The following CUX1 variants were observed in gnomAD, a reference collection of about 807,000 sequenced individuals.
CUX1 encodes protein CASP.
A neutral mutation model predicts 158.8 loss-of-function variants in CUX1; 31 were observed. That is an observed-to-expected ratio of 0.20 (90% CI 0.15 to 0.26). The LOEUF is 0.26. Among genes scored for constraint, CUX1 ranks in the 10% least tolerant of loss-of-function variants. The pLI is 1.00. For synonymous variants in CUX1, 879 were observed against 862.1 expected (o/e 1.02, Z -0.34); for missense variants, 1,589 against 2,014.6 (o/e 0.79, Z 4.04).
chr7:101,945,643 G>A (rs750523737), intron 2 of CUX1, among the ~76,000 whole-genome samples: 11 of 152,206 alleles, frequency 7.2e-5, no homozygotes, highest in African/African-American at 1.2e-4. Context: ...GGTCAGGGCT[G>A]TGGGGACTGT....
rs1789844053 is a variant in CUX1, at chr7:102,255,893, T to C, written c.*6851T>C. 1.0e-6 allele frequency: 1 copy of C among 985,302 alleles called. No homozygotes were observed. Among genetic ancestry groups the C allele is most frequent in the Non-Finnish European group, 1.2e-6 (1 of 829,902 alleles). The allele number at this position is 985,302 out of a possible 1,614,324, so 61.0% of individuals were successfully genotyped here. On this transcript the variant is annotated 3_prime_UTR_variant, in exon 24 of 24. Coordinates refer to ENST00000292535, the MANE Select transcript of CUX1 (RefSeq NM_181552.4). The stretch of plus-strand genomic sequence containing the variant: ...AAGCACTTAAATAGATGACTATGTG[T>C]AAAAGCTCTGTGCAATTGAAATCAT...
chr7:101,885,154 G>A (rs957227847), intron 1 of CUX1, among the ~76,000 whole-genome samples: 4 of 152,212 alleles, frequency 2.6e-5, no homozygotes, highest in African/African-American at 4.8e-5. Flanking sequence ...GAGTCTGGGA[G>A]GAATCTTCCA....
At chr7:102,123,976 T>C (rs181697623) in intron 8 of CUX1, among the ~76,000 whole-genome samples, 57 of 152,268 alleles carry the variant, frequency 3.7e-4, no homozygotes, top group Non-Finnish European at 2.8e-4. Flanking sequence ...AAAGCAATCA[T>C]ATTCATCCAG....
chr7:102,008,728 G>A (rs889715782), intron 2 of CUX1, among the ~76,000 whole-genome samples: 1 of 152,084 alleles, frequency 6.6e-6, no homozygotes, highest in African/African-American at 2.4e-5. Flanking sequence ...AGGACATGGG[G>A]TAGGGCCTGA....
intron 2 of CUX1, among the ~76,000 whole-genome samples, chr7:101,969,359 CAAAAAA>C (rs10711703): frequency 7.1e-5 from 4 of 56,112 alleles, no homozygotes; most frequent in African/African-American, 1.5e-4. Context: ...CAAAAAACAG[CAAAAAA>C]AAAAAAAAAA....
At chr7:102,205,217 T>A in intron 20 of CUX1, 47 bp downstream of exon 20, 1 of 1,362,366 alleles carries the variant, frequency 7.3e-7, no homozygotes, top group Non-Finnish European at 1.1e-6. Context: ...TCTCACTGCC[T>A]TTTCTGTTGT....
chr7:102,056,173 T>G (rs1460000915), intron 3 of CUX1, among the ~76,000 whole-genome samples: 2 of 152,166 alleles, frequency 1.3e-5, no homozygotes, highest in African/African-American at 4.8e-5. Flanking sequence ...AGCAAATGCT[T>G]TGGTGGAAGC....
At chr7:102,103,292 A>G (rs1829978639) in intron 5 of CUX1, among the ~76,000 whole-genome samples, 1 of 152,118 alleles carries the variant, frequency 6.6e-6, no homozygotes, top group Admixed American at 6.5e-5. Flanking sequence ...CACTCCCTCC[A>G]TGCTTTATCC....
At chr7:102,122,168 C>T (rs1312138284) in intron 8 of CUX1, among the ~76,000 whole-genome samples, 1 of 152,150 alleles carries the variant, frequency 6.6e-6, no homozygotes, top group East Asian at 1.9e-4. Flanking sequence ...AGTCTGTCTG[C>T]TGTACCTTTA....
chr7:102,251,426 T>C lies in CUX1; in HGVS notation c.*2384T>C, dbSNP rs938568941. On this transcript the variant is annotated 3_prime_UTR_variant, in exon 24 of 24. Coordinates refer to ENST00000292535, the MANE Select transcript of CUX1 (RefSeq NM_181552.4). Reference sequence around the variant, plus strand: ...TGCAGCTGCAGCACTTAGTTCACGTTTTCACAAATTTCAAGAGTCACTACA... The same window carrying C: ...TGCAGCTGCAGCACTTAGTTCACGTCTTCACAAATTTCAAGAGTCACTACA... 1.0e-6 allele frequency: 1 copy of C among 985,310 alleles called. No individual in the cohort carries two copies. The highest frequency in any genetic ancestry group is 1.2e-6 in the Non-Finnish European group (1 of 829,940). The allele number at this position is 985,310 out of a possible 1,614,324, so 61.0% of individuals were successfully genotyped here.
intron 1 of CUX1, among the ~76,000 whole-genome samples, chr7:101,912,202 C>T (rs991955529): frequency 6.6e-6 from 1 of 150,982 alleles, no homozygotes; most frequent in Non-Finnish European, 1.5e-5. Flanking sequence ...ACCGCCACCA[C>T]CAACCCCTCT....
At chr7:102,071,399 T>A (rs908772427) in intron 4 of CUX1, among the ~76,000 whole-genome samples, 10 of 152,312 alleles carry the variant, frequency 6.6e-5, no homozygotes, top group Admixed American at 1.3e-4. Context: ...TGGTCCTGTT[T>A]GTGGGTCCTC....
At chr7:101,935,506 G>A (rs776699073) in intron 2 of CUX1, among the ~76,000 whole-genome samples, 16 of 152,200 alleles carry the variant, frequency 1.1e-4, no homozygotes, top group African/African-American at 2.4e-4. Context: ...TCCTGCCATC[G>A]GACATGCTGG....
At chr7:101,837,177 G>A (rs1794724943) in intron 1 of CUX1, among the ~76,000 whole-genome samples, 1 of 152,120 alleles carries the variant, frequency 6.6e-6, no homozygotes, top group Non-Finnish European at 1.5e-5. Context: ...GAGAGTGTGA[G>A]GAGGACATAT....
chr7:101,873,178 CT>C (rs35246188), intron 1 of CUX1, among the ~76,000 whole-genome samples: 2,519 of 119,700 alleles, frequency 0.021, 33 homozygotes, highest in Middle Eastern at 0.047. Flanking sequence ...GCCTCAGCTT[CT>C]TTTTTTTTTT....
At chr7:102,052,429 G>T (rs757605939) in intron 3 of CUX1, among the ~76,000 whole-genome samples, 2 of 152,012 alleles carry the variant, frequency 1.3e-5, no homozygotes, top group Non-Finnish European at 2.9e-5. Flanking sequence ...CCATGGTTTC[G>T]ATATTCATCT....
At chr7:102,011,372 G>A (rs1054381368) in intron 2 of CUX1, among the ~76,000 whole-genome samples, 3 of 151,822 alleles carry the variant, frequency 2.0e-5, no homozygotes, top group Admixed American at 2.0e-4. Context: ...CCACCAATGC[G>A]TTTCTCTTCA....
chr7:102,020,088 G>A (rs916382790), intron 2 of CUX1, among the ~76,000 whole-genome samples: 8 of 152,286 alleles, frequency 5.3e-5, no homozygotes, highest in African/African-American at 1.9e-4. Context: ...AATAATTAAA[G>A]CTAATGGAAT....
intron 20 of CUX1, among the ~76,000 whole-genome samples, chr7:102,225,689 C>T (rs1195092981): frequency 6.6e-6 from 1 of 152,218 alleles, no homozygotes; most frequent in African/African-American, 2.4e-5. Context: ...AAGACCTCAT[C>T]TCTACAAAAT....
Sources: allele counts gnomAD v4.1 joint callset (sites outside exome capture counted in the v4.1 genomes callset), GRCh38; gene constraint gnomAD v4.1.1; transcripts MANE v1.5; gene names NCBI Gene and HGNC (gene_info 2026-07-23, HGNC 2026-07-21).